Variants in CA5A observed in about 807,000 individuals in gnomAD.
The protein encoded by CA5A is carbonic anhydrase 5A, also known as carbonic anhydrase 5A, mitochondrial.
A neutral mutation model predicts 37.1 loss-of-function variants in CA5A; 28 were observed. The observed-to-expected ratio is 0.75, with a 90% CI of 0.56 to 1.03. The LOEUF is 1.03. Among genes scored for constraint, CA5A ranks in the 50% least tolerant of loss-of-function variants. The probability of loss-of-function intolerance (pLI) is 0.00; values close to 1 mark genes in which losing one functional copy is unlikely to be tolerated. For missense variants in CA5A, 444 were observed against 399.9 expected (o/e 1.11, Z -0.94); for synonymous variants, 171 against 158.4 (o/e 1.08, Z -0.60).
At chr16:87,882,909 G>A (rs1048079199) in intron 4 of CA5A, 1 of 152,408 alleles carries the variant, frequency 6.6e-6, no homozygotes, top group Non-Finnish European at 1.5e-5. Flanking sequence ...TTTATTTTGG[G>A]GGGGCGTGGA....
chr16:87,901,822 C>G (rs894829795), intron 5 of CA5A, 90 bp downstream of exon 5: 6 of 1,058,686 alleles, frequency 5.7e-6, no homozygotes, highest in East Asian at 2.8e-5. Context: ...CCCAACCTCA[C>G]GTGATCCACC....
chr16:87,896,594 G>A (rs1255867662), intron 5 of CA5A, among the ~76,000 whole-genome samples: 1 of 152,218 alleles, frequency 6.6e-6, no homozygotes, highest in Non-Finnish European at 1.5e-5. Context: ...AGCACCACAA[G>A]CCTTTGCTGG....
chr16:87,902,569 C>T (rs1465716012), intron 3 of CA5A, 49 bp from the exon 4 acceptor site: 1 of 978,978 alleles, frequency 1.0e-6, no homozygotes, highest in Non-Finnish European at 1.7e-6. Flanking sequence ...AGAAATAAGA[C>T]AGTCACTTCC....
intron 1 of CA5A, among the ~76,000 whole-genome samples, chr16:87,928,280 C>A (rs1313674708): frequency 1.3e-5 from 2 of 152,242 alleles, no homozygotes; most frequent in Non-Finnish European, 2.9e-5. Flanking sequence ...CCTCCCACCT[C>A]AGCCTCCTGA....
chr16:87,890,114 G>C (rs113731657), intron 6 of CA5A, among the ~76,000 whole-genome samples: 34 of 152,332 alleles, frequency 2.2e-4, no homozygotes, highest in African/African-American at 8.2e-4. Context: ...CCCTGCTCAG[G>C]ATAAGGGGCT....
At chr16:87,916,597 A>C (rs1364813174) in intron 2 of CA5A, among the ~76,000 whole-genome samples, 2 of 152,192 alleles carry the variant, frequency 1.3e-5, no homozygotes, top group African/African-American at 2.4e-5. Flanking sequence ...CTTCTTTCTT[A>C]TGTACATATT....
intron 5 of CA5A, among the ~76,000 whole-genome samples, chr16:87,900,507 G>A (rs1418176510): frequency 6.6e-6 from 1 of 152,258 alleles, no homozygotes; most frequent in Non-Finnish European, 1.5e-5. Context: ...AGCCTCATCC[G>A]TCCGCACATG....
chr16:87,888,019 C>A lies in CA5A; in HGVS notation c.*110G>T. The A allele has an allele frequency of 4.8e-6, 7 of 1,465,164 alleles. No homozygotes were observed. The highest frequency in any genetic ancestry group is 5.5e-6 in the Non-Finnish European group (6 of 1,094,092). The allele number at this position is 1,465,164 out of a possible 1,614,324, so 90.8% of individuals were successfully genotyped here. On this transcript the variant is annotated 3_prime_UTR_variant, in exon 7 of 7. Transcript: ENST00000649794. ...AGTACTTCGACTAAAACAATAACCT[C>A]ATGCTCTCTTTTTAATTTCAGAAGT...
chr16:87,933,548 T>A (rs2056434518), intron 1 of CA5A, among the ~76,000 whole-genome samples: 2 of 151,748 alleles, frequency 1.3e-5, no homozygotes, highest in Non-Finnish European at 1.5e-5. Context: ...GTTAATTTTT[T>A]AATTTTTTTT....
chr16:87,913,871 C>T (rs1007796804), intron 2 of CA5A, among the ~76,000 whole-genome samples: 4 of 152,204 alleles, frequency 2.6e-5, no homozygotes, highest in African/African-American at 9.7e-5. Flanking sequence ...TGTGTAGTGG[C>T]CCAAGGGGGG....
intron 1 of CA5A, among the ~76,000 whole-genome samples, chr16:87,929,639 G>A (rs188818517): frequency 6.6e-5 from 10 of 151,946 alleles, no homozygotes; most frequent in East Asian, 3.9e-4. Context: ...TTGGGAGGCC[G>A]AGGTGGGCGG....
intron 2 of CA5A, among the ~76,000 whole-genome samples, chr16:87,916,189 C>A (rs867186160): frequency 6.7e-4 from 85 of 126,688 alleles, no homozygotes; most frequent in African/African-American, 1.9e-3. Flanking sequence ...AAACAAAAAA[C>A]CATCGGATTG....
intron 5 of CA5A, 150 bp downstream of exon 5, chr16:87,901,762 T>A (rs1293404964): frequency 3.6e-6 from 2 of 548,594 alleles, no homozygotes; most frequent in South Asian, 3.3e-5. Context: ...TAGTTTTGTA[T>A]TTTTAGTGGA....
At chr16:87,901,837 T>C (rs1276164324) in intron 5 of CA5A, 75 bp downstream of exon 5, 76 of 1,280,744 alleles carry the variant, frequency 5.9e-5, no homozygotes, top group Non-Finnish European at 8.4e-5. Context: ...TCCACCTGCC[T>C]CAGCCTCCCA....
downstream of CA5A, chr16:87,887,842 A>G (rs763594944): frequency 1.3e-5 from 4 of 305,922 alleles, no homozygotes; most frequent in East Asian, 6.0e-5. Context: ...AAGAGAATCA[A>G]TCTCCATTGT....
At chr16:87,915,055 A>G (rs78510257) in intron 2 of CA5A, among the ~76,000 whole-genome samples, 10,573 of 152,296 alleles carry the variant, frequency 0.069, 1,150 homozygotes, top group African/African-American at 0.24. Flanking sequence ...TTTCACGGAC[A>G]TGGCCCTCTT....
At chr16:87,891,527 C>T (rs191068406) in intron 6 of CA5A, among the ~76,000 whole-genome samples, 1 of 152,000 alleles carries the variant, frequency 6.6e-6, no homozygotes, top group Admixed American at 6.6e-5. Flanking sequence ...AGACCCATGA[C>T]CCTGGGACAA....
At chr16:87,907,654 G>A (rs765771773) in intron 2 of CA5A, among the ~76,000 whole-genome samples, 3 of 152,128 alleles carry the variant, frequency 2.0e-5, no homozygotes, top group Non-Finnish European at 2.9e-5. Context: ...GCTGGGTGTG[G>A]TGGCTCACGC....
chr16:87,919,122 G>T (rs1430350841), intron 2 of CA5A, among the ~76,000 whole-genome samples: 1 of 152,148 alleles, frequency 6.6e-6, no homozygotes, highest in Non-Finnish European at 1.5e-5. Context: ...AAGCCGGTGG[G>T]GAAGCCAAAA....
Sources: allele counts gnomAD v4.1 joint callset (sites outside exome capture counted in the v4.1 genomes callset), GRCh38; gene constraint gnomAD v4.1.1; transcripts MANE v1.5; gene names NCBI Gene and HGNC (gene_info 2026-07-23, HGNC 2026-07-21).